Variants in PDE7B observed in about 807,000 individuals in gnomAD.
The protein encoded by PDE7B is phosphodiesterase 7B.
Under a neutral mutation model 56.2 loss-of-function variants are expected in PDE7B, and 29 were observed. The ratio of observed to expected loss-of-function variants is 0.52; its 90% CI spans 0.38 to 0.70. PDE7B has a LOEUF of 0.70. PDE7B is among the 30% of genes least tolerant of loss of function. PDE7B has a pLI of 0.00. For synonymous variants in PDE7B, 197 were observed against 196.9 expected (o/e 1.00, Z 0.00); for missense variants, 490 against 565.0 (o/e 0.87, Z 1.35).
intron 1 of PDE7B, among the ~76,000 whole-genome samples, chr6:135,857,060 T>TCCTC: frequency 8.2e-6 from 1 of 122,382 alleles, no homozygotes; most frequent in Non-Finnish European, 1.6e-5. Flanking sequence ...CTCCCTTCCT[T>TCCTC]CCTCCCTTCC....
At chr6:135,981,413 T>A (rs1775294064) in intron 2 of PDE7B, among the ~76,000 whole-genome samples, 2 of 151,794 alleles carry the variant, frequency 1.3e-5, no homozygotes, top group South Asian at 2.1e-4. Context: ...GTGCAGCACA[T>A]GTACCCTAAA....
chr6:135,945,828 C>G (rs1445286714), intron 1 of PDE7B, among the ~76,000 whole-genome samples: 1 of 152,166 alleles, frequency 6.6e-6, no homozygotes, highest in Non-Finnish European at 1.5e-5. Context: ...ACCAAATGGC[C>G]TCTCAAGGAA....
At chr6:136,041,345 G>A (rs1776409865) in intron 2 of PDE7B, among the ~76,000 whole-genome samples, 1 of 152,174 alleles carries the variant, frequency 6.6e-6, no homozygotes, top group Admixed American at 6.5e-5. Flanking sequence ...AAAAAATATG[G>A]GAACATAAAT....
chr6:135,976,383 T>C (rs1424961796), intron 2 of PDE7B, among the ~76,000 whole-genome samples: 1 of 152,126 alleles, frequency 6.6e-6, no homozygotes, highest in Non-Finnish European at 1.5e-5. Flanking sequence ...AAGGGTCAAT[T>C]GTACTGTTTC....
intron 2 of PDE7B, chr6:136,044,103 T>A (rs1776457871): frequency 6.6e-6 from 1 of 152,208 alleles, no homozygotes; most frequent in Admixed American, 6.5e-5. Flanking sequence ...ATTCCTTACT[T>A]AATATCCCGC....
At chr6:136,111,483 A>T (rs1777747048) in intron 3 of PDE7B, among the ~76,000 whole-genome samples, 2 of 152,230 alleles carry the variant, frequency 1.3e-5, no homozygotes, top group African/African-American at 4.8e-5. Context: ...AAACTAGAAC[A>T]GATAACATTA....
chr6:136,101,133 A>G (rs1460155588), intron 2 of PDE7B, among the ~76,000 whole-genome samples: 2 of 152,188 alleles, frequency 1.3e-5, no homozygotes, highest in African/African-American at 4.8e-5. Flanking sequence ...CGTGGTGGAT[A>G]AGCTTTTTGA....
chr6:136,160,306 G>C (rs2128448463), intron 8 of PDE7B, among the ~76,000 whole-genome samples: 1 of 152,222 alleles, frequency 6.6e-6, no homozygotes, highest in African/African-American at 2.4e-5. Context: ...ATATTAAATG[G>C]TATCCTCTCA....
chr6:135,907,704 A>G lies in PDE7B; in HGVS notation c.22-39760A>G, dbSNP rs143380849. 3.7e-3 allele frequency among the ~76,000 whole-genome samples: 562 copies of G among 152,298 alleles called. 5 individuals are homozygous for G. Among genetic ancestry groups the G allele is most frequent in the African/African-American group, 0.013 (550 of 41,564 alleles). ...CATTTACAGCTTAGTACAAGGATAT[A>G]AAGTACAGAATAATATTCCTAAAAA... On this transcript the variant is annotated intron_variant, in intron 1 of 12. Transcript: ENST00000308191.
chr6:135,981,292 G>T (rs1282341982), intron 2 of PDE7B, among the ~76,000 whole-genome samples: 5 of 111,104 alleles, frequency 4.5e-5, no homozygotes, highest in African/African-American at 6.7e-5. Context: ...TGTGGGGTGG[G>T]GGGAGGGGGG....
intron 1 of PDE7B, among the ~76,000 whole-genome samples, chr6:135,860,835 T>G (rs1003029266): frequency 1.3e-5 from 2 of 150,706 alleles, no homozygotes; most frequent in Admixed American, 6.7e-5. Context: ...AGATAAATCT[T>G]GTTTTAAATT....
chr6:136,180,067 G>T (rs1230207727), intron 10 of PDE7B, among the ~76,000 whole-genome samples: 1 of 152,154 alleles, frequency 6.6e-6, no homozygotes, highest in Non-Finnish European at 1.5e-5. Context: ...AATGGACCTA[G>T]ACTCATCTAG....
At chr6:136,064,508 A>C (rs1583860384) in intron 2 of PDE7B, 1 of 152,320 alleles carries the variant, frequency 6.6e-6, no homozygotes. Flanking sequence ...TCATGGAGAC[A>C]GTTCCTCTCC....
chr6:135,966,556 G>A (rs929829491), intron 2 of PDE7B, among the ~76,000 whole-genome samples: 1 of 152,120 alleles, frequency 6.6e-6, no homozygotes, highest in African/African-American at 2.4e-5. Context: ...AGGCTAGAAT[G>A]AGTAGCGCTC....
intron 1 of PDE7B, among the ~76,000 whole-genome samples, chr6:135,916,798 A>G (rs1453263635): frequency 6.6e-6 from 1 of 152,152 alleles, no homozygotes; most frequent in East Asian, 1.9e-4. Context: ...TGTCAGATAT[A>G]TATTCAGAAT....
chr6:135,863,536 G>C (rs1054960831), intron 1 of PDE7B, among the ~76,000 whole-genome samples: 1 of 151,840 alleles, frequency 6.6e-6, no homozygotes, highest in African/African-American at 2.4e-5. Context: ...TTCCTTGACT[G>C]GGGGGAGTGT....
rs148693430 is a variant in PDE7B at position 135,875,728 on chromosome 6, C to T, written c.21+23709C>T. ...AATATTTTCAGTGTTTAGACTAAAA[C>T]GTATCCTTATTTAACCTTTGTTCTT... On this transcript the variant is annotated intron_variant, in intron 1 of 12. Transcript: ENST00000308191. Among the ~76,000 whole-genome samples, 1,421 of 152,270 alleles carry T rather than the reference C, an allele frequency of 9.3e-3. 10 individuals are homozygous for T. The highest frequency in any genetic ancestry group is 0.016 in the Non-Finnish European group (1,057 of 68,010).
At chr6:135,923,228 T>G (rs1774122409) in intron 1 of PDE7B, among the ~76,000 whole-genome samples, 1 of 152,200 alleles carries the variant, frequency 6.6e-6, no homozygotes, top group African/African-American at 2.4e-5. Context: ...TACAATTCCG[T>G]AGCTATATAC....
chr6:136,062,245 GTA>G (rs1239223359), intron 2 of PDE7B, among the ~76,000 whole-genome samples: 1 of 152,022 alleles, frequency 6.6e-6, no homozygotes, highest in East Asian at 1.9e-4. Flanking sequence ...AATAAAAATT[GTA>G]TATGTTTAAA....
Sources: allele counts gnomAD v4.1 joint callset (sites outside exome capture counted in the v4.1 genomes callset), GRCh38; gene constraint gnomAD v4.1.1; transcripts MANE v1.5; gene names NCBI Gene and HGNC (gene_info 2026-07-23, HGNC 2026-07-21).